Variants in PTPRT observed in about 807,000 individuals in gnomAD.
PTPRT encodes protein tyrosine phosphatase receptor type T, also known as receptor-type tyrosine-protein phosphatase T.
A neutral mutation model predicts 176.8 loss-of-function variants in PTPRT; 56 were observed. The ratio of observed to expected loss-of-function variants is 0.32; its 90% CI spans 0.26 to 0.40. PTPRT has a LOEUF of 0.40. PTPRT is among the 10% of genes least tolerant of loss of function. The probability of loss-of-function intolerance (pLI) is 1.00; values close to 1 mark genes in which losing one functional copy is unlikely to be tolerated. For synonymous variants in PTPRT, 783 were observed against 739.0 expected (o/e 1.06, Z -0.96); for missense variants, 1,540 against 1,908.2 (o/e 0.81, Z 3.60).
At chr20:42,104,359 C>T (rs763047610) in intron 25 of PTPRT, among the ~76,000 whole-genome samples, 9 of 152,106 alleles carry the variant, frequency 5.9e-5, no homozygotes, top group Non-Finnish European at 7.4e-5. Flanking sequence ...CTTTCCACCA[C>T]GTGAATATGC....
At chr20:42,723,642 C>T (rs1036452412) in intron 6 of PTPRT, among the ~76,000 whole-genome samples, 1 of 152,208 alleles carries the variant, frequency 6.6e-6, no homozygotes, top group Non-Finnish European at 1.5e-5. Context: ...ACAGGACACA[C>T]CTCCCTTTCT....
chr20:42,762,122 T>C (rs2076923607), intron 5 of PTPRT, among the ~76,000 whole-genome samples: 1 of 152,198 alleles, frequency 6.6e-6, no homozygotes, highest in Non-Finnish European at 1.5e-5. Context: ...GAAATATATA[T>C]GTAAGAAGGA....
intron 11 of PTPRT, among the ~76,000 whole-genome samples, chr20:42,347,211 A>G (rs1156413016): frequency 1.3e-5 from 2 of 152,210 alleles, no homozygotes; most frequent in Admixed American, 6.5e-5. Context: ...AATACAATGG[A>G]AGTAAAGGAA....
intron 6 of PTPRT, among the ~76,000 whole-genome samples, chr20:42,680,521 C>G (rs1022873095): frequency 1.3e-5 from 2 of 152,160 alleles, no homozygotes; most frequent in African/African-American, 4.8e-5. Flanking sequence ...TATCAACTCT[C>G]CAGAGCTCCC....
intron 7 of PTPRT, among the ~76,000 whole-genome samples, chr20:42,576,276 C>T (rs1038744391): frequency 1.3e-5 from 2 of 152,174 alleles, no homozygotes; most frequent in African/African-American, 4.8e-5. Context: ...GCAATCCTCC[C>T]TGATGTCATG....
At chr20:42,785,366 C>T (rs1319180712) in intron 3 of PTPRT, among the ~76,000 whole-genome samples, 1 of 152,216 alleles carries the variant, frequency 6.6e-6, no homozygotes, top group Non-Finnish European at 1.5e-5. Flanking sequence ...AAACCATCAG[C>T]TCCGAAGCCC....
intron 1 of PTPRT, among the ~76,000 whole-genome samples, chr20:42,941,252 A>G (rs1980533625): frequency 6.6e-6 from 1 of 152,174 alleles, no homozygotes; most frequent in African/African-American, 2.4e-5. Flanking sequence ...TACCTCTCAG[A>G]GCTGCAGTTT....
At chr20:42,385,335 C>T (rs541816093) in intron 9 of PTPRT, among the ~76,000 whole-genome samples, 3 of 152,214 alleles carry the variant, frequency 2.0e-5, no homozygotes, top group South Asian at 4.2e-4. Flanking sequence ...GGGCATTATG[C>T]TAAGTGAAAT....
At chr20:42,445,894 A>G (rs1190269936) in intron 9 of PTPRT, among the ~76,000 whole-genome samples, 1 of 152,194 alleles carries the variant, frequency 6.6e-6, no homozygotes, top group Non-Finnish European at 1.5e-5. Flanking sequence ...GCACTATATA[A>G]TAATGCCTCA....
the PTPRT span, among the ~76,000 whole-genome samples, chr20:42,058,224 T>A: frequency 6.6e-6 from 1 of 152,104 alleles, no homozygotes; most frequent in East Asian, 1.9e-4. Flanking sequence ...ACAAATACCA[T>A]CTTCCATTTC....
intron 1 of PTPRT, among the ~76,000 whole-genome samples, chr20:43,160,580 C>T (rs866415468): frequency 2.6e-5 from 4 of 152,174 alleles, no homozygotes; most frequent in South Asian, 2.1e-4. Context: ...GCTCAAAGGG[C>T]TTATCAATAA....
At chr20:42,143,628 G>C (rs181114632) in intron 17 of PTPRT, among the ~76,000 whole-genome samples, 40 of 152,180 alleles carry the variant, frequency 2.6e-4, no homozygotes, top group Admixed American at 1.3e-3. Context: ...CTTAGACCGT[G>C]GTGGTGGACA....
chr20:42,887,902 G>C (rs1304417185), intron 1 of PTPRT, among the ~76,000 whole-genome samples: 1 of 152,154 alleles, frequency 6.6e-6, no homozygotes, highest in Non-Finnish European at 1.5e-5. Context: ...TGAGGGCTCT[G>C]TTCTCAGAAA....
intron 6 of PTPRT, among the ~76,000 whole-genome samples, chr20:42,737,289 T>C (rs1462051020): frequency 1.3e-5 from 2 of 152,020 alleles, no homozygotes; most frequent in African/African-American, 2.4e-5. Context: ...GAATGATGCA[T>C]TTATAAGCCA....
chr20:42,392,492 A>T (rs2058809546), intron 9 of PTPRT, among the ~76,000 whole-genome samples: 1 of 152,032 alleles, frequency 6.6e-6, no homozygotes, highest in Admixed American at 6.6e-5. Context: ...CTTTCTTTTT[A>T]AAAAAATAAC....
At chr20:42,142,257 T>C (rs756884384) in intron 17 of PTPRT, among the ~76,000 whole-genome samples, 1 of 152,118 alleles carries the variant, frequency 6.6e-6, no homozygotes. Context: ...GAATCGCTTG[T>C]CCATTCATTG....
At position 42,880,604 on chromosome 20, in the gene PTPRT, G is replaced by A. The variant is rs934074506; in HGVS notation, c.214+5203C>T. ...GCTGTAATTCAGGGCTGTACCTCAG[G>A]GATGACTTGTGGAAACCCATGCCAA... On this transcript the variant is annotated intron_variant, in intron 2 of 30. Coordinates refer to ENST00000373187, the MANE Select transcript of PTPRT (RefSeq NM_007050.6). Among the ~76,000 whole-genome samples, 9 of 152,228 alleles carry A rather than the reference G, an allele frequency of 5.9e-5. No individual in the cohort carries two copies. The South Asian group carries it at 8.3e-4, about 14-fold the overall frequency.
At chr20:42,378,661 C>A (rs2145624113) in intron 9 of PTPRT, among the ~76,000 whole-genome samples, 1 of 152,266 alleles carries the variant, frequency 6.6e-6, no homozygotes, top group African/African-American at 2.4e-5. Flanking sequence ...CTGGAGGCAG[C>A]ATTGTGCCAC....
chr20:42,920,063 T>A (rs1178456134), intron 1 of PTPRT, among the ~76,000 whole-genome samples: 1 of 152,230 alleles, frequency 6.6e-6, no homozygotes, highest in Non-Finnish European at 1.5e-5. Context: ...TTGAATGTCC[T>A]AGATGATCAA....
Sources: allele counts gnomAD v4.1 joint callset (sites outside exome capture counted in the v4.1 genomes callset), GRCh38; gene constraint gnomAD v4.1.1; transcripts MANE v1.5; gene names NCBI Gene and HGNC (gene_info 2026-07-23, HGNC 2026-07-21).